The following ZNF521 variants were observed in gnomAD, a reference collection of about 807,000 sequenced individuals.
The protein encoded by ZNF521 is zinc finger protein 521.
In ZNF521, 14 loss-of-function variants were observed where a neutral mutation model predicts 105.5. That is an observed-to-expected ratio of 0.13 (90% CI 0.09 to 0.21). The LOEUF (loss-of-function observed/expected upper bound fraction) is 0.21. Among genes scored for constraint, ZNF521 ranks in the 10% least tolerant of loss-of-function variants. The pLI is 1.00. For missense variants in ZNF521, 1,233 were observed against 1,629.7 expected (o/e 0.76, Z 4.19); for synonymous variants, 635 against 606.0 (o/e 1.05, Z -0.70).
intron 5 of ZNF521, among the ~76,000 whole-genome samples, chr18:25,115,240 T>C (rs1387424248): frequency 6.6e-6 from 1 of 152,188 alleles, no homozygotes; most frequent in Non-Finnish European, 1.5e-5. Flanking sequence ...CACTTATTCT[T>C]TGAGGGCTGA....
At chr18:25,288,828 A>T (rs1466275734) in intron 3 of ZNF521, among the ~76,000 whole-genome samples, 1 of 152,238 alleles carries the variant, frequency 6.6e-6, no homozygotes, top group Non-Finnish European at 1.5e-5. Flanking sequence ...CCTGACTAGC[A>T]TTAATAACTC....
chr18:25,283,155 T>G (rs1910485825), intron 3 of ZNF521, among the ~76,000 whole-genome samples: 1 of 152,144 alleles, frequency 6.6e-6, no homozygotes, highest in African/African-American at 2.4e-5. Context: ...CTAACACATA[T>G]CAACAAGCAC....
intron 3 of ZNF521, among the ~76,000 whole-genome samples, chr18:25,312,980 T>C (rs1326873203): frequency 6.6e-6 from 1 of 152,146 alleles, no homozygotes; most frequent in Non-Finnish European, 1.5e-5. Context: ...AAAGATTTGG[T>C]GAGCCGTTTT....
chr18:25,316,557 A>AT (rs1912631606), intron 3 of ZNF521, among the ~76,000 whole-genome samples: 1 of 152,096 alleles, frequency 6.6e-6, no homozygotes, highest in Non-Finnish European at 1.5e-5. Flanking sequence ...CAAAAGCATC[A>AT]TATTACTTTT....
At chr18:25,244,221 G>A (rs143752001) in intron 3 of ZNF521, among the ~76,000 whole-genome samples, 326 of 152,122 alleles carry the variant, frequency 2.1e-3, no homozygotes, top group African/African-American at 7.5e-3. Flanking sequence ...TGCCAGTGCA[G>A]AAGTTCTCCT....
intron 3 of ZNF521, chr18:25,302,652 A>C (rs994347646): frequency 6.6e-6 from 1 of 152,148 alleles, no homozygotes; most frequent in African/African-American, 2.4e-5. Flanking sequence ...ATGTTTCCTT[A>C]TTTTCCTCTC....
At chr18:25,185,041 T>G (rs1430795633) in intron 5 of ZNF521, among the ~76,000 whole-genome samples, 1 of 152,156 alleles carries the variant, frequency 6.6e-6, no homozygotes, top group Admixed American at 6.5e-5. Context: ...TCATAATGAT[T>G]TTATCTATGT....
intron 7 of ZNF521, among the ~76,000 whole-genome samples, chr18:25,072,520 C>T (rs2033251025): frequency 1.3e-5 from 2 of 152,012 alleles, no homozygotes; most frequent in South Asian, 2.1e-4. Flanking sequence ...CTATGTACTA[C>T]CTTGAGAGTG....
At chr18:25,222,239 T>C (rs1307143388) in intron 4 of ZNF521, among the ~76,000 whole-genome samples, 1 of 152,170 alleles carries the variant, frequency 6.6e-6, no homozygotes. Flanking sequence ...TGAAGTATTA[T>C]CCTATGTAAG....
At chr18:25,134,013 A>G (rs1478760369) in intron 5 of ZNF521, among the ~76,000 whole-genome samples, 2 of 152,146 alleles carry the variant, frequency 1.3e-5, no homozygotes, top group African/African-American at 2.4e-5. Context: ...GAGTAATGAC[A>G]TTTAATCAGG....
intron 2 of ZNF521, among the ~76,000 whole-genome samples, chr18:25,336,999 A>T (rs1041511708): frequency 6.6e-6 from 1 of 152,238 alleles, no homozygotes; most frequent in Non-Finnish European, 1.5e-5. Flanking sequence ...ACTGTAGTAC[A>T]AGGTGATTTA....
At chr18:25,128,235 A>T (rs1027402325) in intron 5 of ZNF521, among the ~76,000 whole-genome samples, 2 of 152,016 alleles carry the variant, frequency 1.3e-5, no homozygotes, top group African/African-American at 4.8e-5. Flanking sequence ...GTATCAACAG[A>T]TACAAAAAAA....
intron 5 of ZNF521, among the ~76,000 whole-genome samples, chr18:25,117,028 TAC>T (rs1466954049): frequency 1.2e-5 from 1 of 80,918 alleles, no homozygotes; most frequent in African/African-American, 5.7e-5. Context: ...CATATATATA[TAC>T]ATACACACAC....
chr18:25,083,015 G>A (rs1287059438), intron 7 of ZNF521, among the ~76,000 whole-genome samples: 1 of 152,092 alleles, frequency 6.6e-6, no homozygotes, highest in African/African-American at 2.4e-5. Context: ...AGCCTCGCTT[G>A]GAGGAAAATA....
At chr18:25,320,320 G>A (rs560738624) in intron 3 of ZNF521, among the ~76,000 whole-genome samples, 2 of 152,130 alleles carry the variant, frequency 1.3e-5, no homozygotes, top group South Asian at 4.2e-4. Flanking sequence ...TTACAGGCAC[G>A]TGCCACCACG....
At chr18:25,091,891 A>G in intron 6 of ZNF521, 59 bp downstream of exon 6, 3 of 1,588,464 alleles carry the variant, frequency 1.9e-6, no homozygotes, top group Non-Finnish European at 2.6e-6. Context: ...ATGCTTTGGT[A>G]GGAAAGACAT....
At chr18:25,082,625 C>A in intron 7 of ZNF521, 1 of 430,958 alleles carries the variant, frequency 2.3e-6, no homozygotes, top group South Asian at 1.7e-5. Flanking sequence ...TGCCTGAGCT[C>A]AGGGGTTTGA....
chr18:25,330,764 T>C (rs2145174583), intron 2 of ZNF521, among the ~76,000 whole-genome samples: 1 of 152,292 alleles, frequency 6.6e-6, no homozygotes, highest in South Asian at 2.1e-4. Context: ...ACTACTACTT[T>C]TAATAACATA....
intron 5 of ZNF521, among the ~76,000 whole-genome samples, chr18:25,137,047 C>G (rs983836179): frequency 2.2e-4 from 34 of 152,286 alleles, no homozygotes; most frequent in Non-Finnish European, 3.5e-4. Context: ...TCTCGCCACA[C>G]CACAGTCCAG....
Sources: allele counts gnomAD v4.1 joint callset (sites outside exome capture counted in the v4.1 genomes callset), GRCh38; gene constraint gnomAD v4.1.1; transcripts MANE v1.5; gene names NCBI Gene and HGNC (gene_info 2026-07-23, HGNC 2026-07-21).